PDK1: variants seen among roughly 807,000 people sequenced by gnomAD.
PDK1 encodes the protein [Pyruvate dehydrogenase (acetyl-transferring)] kinase isozyme 1, mitochondrial.
PDK1 carries 39 observed loss-of-function variants against 54.2 expected under a neutral mutation model. That is an observed-to-expected ratio of 0.72 (90% CI 0.56 to 0.94). The LOEUF (loss-of-function observed/expected upper bound fraction) is 0.94. Ranked by LOEUF, PDK1 falls within the 40% of genes least tolerant of loss-of-function variation. PDK1 has a pLI of 0.00. For missense variants in PDK1, 552 were observed against 566.0 expected, an observed-to-expected ratio of 0.98 and a Z score of 0.25; for synonymous variants, 221 against 207.1, an observed-to-expected ratio of 1.07 and a Z score of -0.58.
the PDK1 span, among the ~76,000 whole-genome samples, chr2:172,672,071 G>C: frequency 9.2e-5 from 14 of 152,244 alleles, no homozygotes; most frequent in African/African-American, 3.4e-4. Flanking sequence ...TAAGGAGAGC[G>C]TACTTGACTT....
At position 172,596,875 on chromosome 2, in the gene PDK1, C is replaced by A. The variant is rs1690921293; in HGVS notation, c.*906C>A. On this transcript the variant is annotated 3_prime_UTR_variant, in exon 11 of 11. Coordinates refer to ENST00000282077, the MANE Select transcript of PDK1 (RefSeq NM_002610.5). ...AAATGCTTCCAAGGTAAGTCTGATGCCTACCCTAGGTTGGGAACCACTCTT... is the reference window on the plus strand; with the variant it reads ...AAATGCTTCCAAGGTAAGTCTGATGACTACCCTAGGTTGGGAACCACTCTT... The A allele has an allele frequency of 6.6e-6, 1 of 152,136 alleles. No homozygotes were observed. Among genetic ancestry groups the A allele is most frequent in the Admixed American group, 6.5e-5 (1 of 15,280 alleles). 9.4% of individuals were successfully genotyped at this position (152,136 alleles called of 1,614,324 possible).
the PDK1 span, among the ~76,000 whole-genome samples, chr2:172,677,842 C>T: frequency 6.6e-6 from 1 of 152,004 alleles, no homozygotes; most frequent in Non-Finnish European, 1.5e-5. Flanking sequence ...GGATTTAATC[C>T]AAAACTGTAT....
the PDK1 span, among the ~76,000 whole-genome samples, chr2:172,703,766 CTTTTTTT>C: frequency 4.5e-4 from 40 of 89,114 alleles, 1 homozygote; most frequent in East Asian, 2.4e-3. Context: ...TTCTTTCTTT[CTTTTTTT>C]TTTTTTTTTT....
intron 10 of PDK1, among the ~76,000 whole-genome samples, chr2:172,593,530 G>A (rs1690723575): frequency 1.3e-5 from 2 of 152,272 alleles, no homozygotes; most frequent in South Asian, 4.1e-4. Context: ...GATACCTCCT[G>A]ACTGATTTGA....
chr2:172,614,009 C>G, the PDK1 span, among the ~76,000 whole-genome samples: 73 of 152,182 alleles, frequency 4.8e-4, no homozygotes, highest in Non-Finnish European at 1.9e-4. Flanking sequence ...AGCCGCAGAT[C>G]TGGGTCTCCT....
In PDK1 at chr2:172,602,303, C is replaced by T. The variant is rs1193613555; in HGVS notation, c.*6334C>T. The T allele has an allele frequency of 6.6e-6, 1 of 152,180 alleles. No individual in the cohort carries two copies. The highest frequency in any genetic ancestry group is 1.5e-5 in the Non-Finnish European group (1 of 68,032). 9.4% of individuals were successfully genotyped at this position (152,180 alleles called of 1,614,324 possible). Reference sequence around the variant, plus strand: ...ATTGTATCATGAGCAAAAGGAGAATCTTTCCCAGGAACAGGAGGATGTTTT... The same window carrying T: ...ATTGTATCATGAGCAAAAGGAGAATTTTTCCCAGGAACAGGAGGATGTTTT... On this transcript the variant is annotated 3_prime_UTR_variant, in exon 11 of 11. Transcript: ENST00000282077.
chr2:172,567,048 G>A (rs567519046), intron 6 of PDK1, 115 bp downstream of exon 6: 233 of 628,704 alleles, frequency 3.7e-4, no homozygotes, highest in Non-Finnish European at 5.8e-4. Flanking sequence ...TGGATATGAA[G>A]GCTAAAGGAT....
In PDK1 at chr2:172,598,744, TA is replaced by T. The variant is rs1212045811; in HGVS notation, c.*2779del. The T allele has an allele frequency of 1.3e-5, 2 of 152,222 alleles. No homozygotes were observed. The highest frequency in any genetic ancestry group is 1.3e-4 in the Admixed American group (2 of 15,274). 9.4% of individuals were successfully genotyped at this position (152,222 alleles called of 1,614,324 possible). A position where few individuals can be genotyped will look rare whatever the true frequency, so the allele number is the denominator to read the frequency against. ...AGTAGAAGTCTACCATATTATTTTA[TA>T]AAATGTTTTCTGTATGGCAATAAAC... On this transcript the variant is annotated 3_prime_UTR_variant, in exon 11 of 11. Coordinates refer to ENST00000282077, the MANE Select transcript of PDK1 (RefSeq NM_002610.5).
At position 172,594,091 on chromosome 2, in the gene PDK1, G is replaced by A. The variant is rs1057190321; in HGVS notation, c.1170+1043G>A. 6.7e-5 allele frequency among the ~76,000 whole-genome samples: 10 copies of A among 148,826 alleles called. 1 individual carries two copies. The highest frequency in any genetic ancestry group is 2.5e-4 in the African/African-American group (10 of 40,230). On this transcript the variant is annotated intron_variant, in intron 10 of 10. Transcript: ENST00000282077. The stretch of plus-strand genomic sequence containing the variant: ...TGCTCTGTGTCACGTAAGCTGGAGT[G>A]CAATGGCATGATCTCGGCTCACTGC...
At chr2:172,562,559 T>C (rs181791874) in intron 3 of PDK1, among the ~76,000 whole-genome samples, 1 of 152,156 alleles carries the variant, frequency 6.6e-6, no homozygotes, top group Non-Finnish European at 1.5e-5. Flanking sequence ...ACCTGGAGGG[T>C]GCATGCTCCT....
chr2:172,682,222 G>A, the PDK1 span, among the ~76,000 whole-genome samples: 1 of 152,210 alleles, frequency 6.6e-6, no homozygotes, highest in African/African-American at 2.4e-5. Flanking sequence ...GCATGTCTGA[G>A]GAACAACAAG....
chr2:172,621,843 T>C, the PDK1 span, among the ~76,000 whole-genome samples: 4 of 118,904 alleles, frequency 3.4e-5, 1 homozygote, highest in African/African-American at 5.8e-5. Context: ...ATCTCATATG[T>C]ATGATACATG....
At chr2:172,683,361 A>C in the PDK1 span, among the ~76,000 whole-genome samples, 1 of 140,842 alleles carries the variant, frequency 7.1e-6, no homozygotes, top group Non-Finnish European at 1.6e-5. Context: ...AAAAAAAAAA[A>C]CAACTTATAA....
chr2:172,583,297 T>G (rs1039862165), intron 8 of PDK1, among the ~76,000 whole-genome samples: 3 of 135,186 alleles, frequency 2.2e-5, no homozygotes, highest in East Asian at 2.1e-4. Context: ...TTTTTTTTTT[T>G]TTTTTTTTTT....
the PDK1 span, among the ~76,000 whole-genome samples, chr2:172,668,870 T>C: frequency 1.0e-5 from 1 of 96,150 alleles, no homozygotes; most frequent in Non-Finnish European, 2.0e-5. Flanking sequence ...TATGTATGTA[T>C]GTACACACAC....
rs979407734 is a variant in PDK1 at position 172,605,087 on chromosome 2, G to C, written c.*9118G>C. ...ATTTTAAGAAGGAGGCACAGGGCTT[G>C]GTTGGCCCATTTAGTTAGTGACACA... On this transcript the variant is annotated 3_prime_UTR_variant, in exon 11 of 11. Transcript: ENST00000282077. 6.6e-6 allele frequency: 1 copy of C among 152,146 alleles called. No homozygotes were observed. Among genetic ancestry groups the C allele is most frequent in the Non-Finnish European group, 1.5e-5 (1 of 68,030 alleles). 9.4% of individuals were successfully genotyped at this position (152,146 alleles called of 1,614,324 possible). A position where few individuals can be genotyped will look rare whatever the true frequency, so the allele number is the denominator to read the frequency against.
chr2:172,682,516 G>A, the PDK1 span, among the ~76,000 whole-genome samples: 1 of 152,206 alleles, frequency 6.6e-6, no homozygotes, highest in Non-Finnish European at 1.5e-5. Flanking sequence ...AGTTGTCAGT[G>A]GAAGCAGCTG....
chr2:172,566,512 G>A (rs1688949582), intron 5 of PDK1, among the ~76,000 whole-genome samples: 2 of 151,892 alleles, frequency 1.3e-5, no homozygotes, highest in African/African-American at 4.8e-5. Flanking sequence ...AGCCGAGATA[G>A]CGCCACTGCA....
downstream of PDK1, among the ~76,000 whole-genome samples, chr2:172,609,677 C>T (rs914722144): frequency 7.9e-5 from 12 of 152,228 alleles, no homozygotes; most frequent in African/African-American, 2.9e-4. Context: ...TGTACATCAT[C>T]ATTAGAACGC....
Sources: gnomAD v4.1 joint callset for allele counts (sites outside exome capture counted in the v4.1 genomes callset) on GRCh38, gnomAD v4.1.1 for gene constraint, MANE v1.5 for transcripts, NCBI Gene and HGNC (gene_info 2026-07-23, HGNC 2026-07-21) for gene names.